LRP1B: variants seen among roughly 807,000 people sequenced by gnomAD.
LRP1B encodes low-density lipoprotein receptor-related protein 1B.
A neutral mutation model predicts 556.6 loss-of-function variants in LRP1B; 217 were observed. The observed-to-expected ratio is 0.39, with a 90% CI of 0.35 to 0.44. LRP1B has a LOEUF of 0.44. Ranked by LOEUF, LRP1B falls within the 20% of genes least tolerant of loss-of-function variation. LRP1B has a pLI of 1.00. For missense variants in LRP1B, 5,053 were observed against 5,620.8 expected, an observed-to-expected ratio of 0.90 and a Z score of 3.23; for synonymous variants, 2,047 against 1,865.8, an observed-to-expected ratio of 1.10 and a Z score of -2.50.
chr2:140,748,288 A>ATG (rs1199602493), intron 35 of LRP1B, among the ~76,000 whole-genome samples: 11 of 72,858 alleles, frequency 1.5e-4, no homozygotes, highest in African/African-American at 2.0e-4. Context: ...ATGTTCATAT[A>ATG]TGTATATATA....
intron 21 of LRP1B, among the ~76,000 whole-genome samples, chr2:140,921,456 T>C (rs1694734721): frequency 2.6e-5 from 4 of 152,002 alleles, no homozygotes; most frequent in Non-Finnish European, 4.4e-5. Context: ...TGAAGTATGT[T>C]AACTCGAGTC....
chr2:141,374,391 C>T (rs930048974), intron 3 of LRP1B, among the ~76,000 whole-genome samples: 49 of 152,134 alleles, frequency 3.2e-4, no homozygotes, highest in African/African-American at 1.1e-3. Flanking sequence ...TGGGGGTCAC[C>T]GGGTCTCCTA....
At chr2:141,453,937 G>A (rs754727851) in intron 3 of LRP1B, among the ~76,000 whole-genome samples, 1 of 149,018 alleles carries the variant, frequency 6.7e-6, no homozygotes, top group African/African-American at 2.5e-5. Flanking sequence ...AAAAAAAAAA[G>A]TTCTAGTGTT....
chr2:141,847,613 G>A (rs1354453569), intron 1 of LRP1B, among the ~76,000 whole-genome samples: 1 of 151,440 alleles, frequency 6.6e-6, no homozygotes, highest in Non-Finnish European at 1.5e-5. Context: ...TAGTGCAATG[G>A]AATAAAAAGC....
chr2:140,993,493 A>G (rs1454008122), intron 16 of LRP1B, among the ~76,000 whole-genome samples: 1 of 152,044 alleles, frequency 6.6e-6, no homozygotes, highest in Non-Finnish European at 1.5e-5. Context: ...CTGAGTGCCC[A>G]TATGTGTTTT....
At chr2:140,520,828 T>G (rs896138473) in intron 49 of LRP1B, among the ~76,000 whole-genome samples, 3 of 131,248 alleles carry the variant, frequency 2.3e-5, no homozygotes, top group Non-Finnish European at 4.9e-5. Context: ...AATTCAGGAT[T>G]TGAAAGACAA....
At chr2:141,370,242 C>T (rs1026771500) in intron 3 of LRP1B, among the ~76,000 whole-genome samples, 47 of 152,046 alleles carry the variant, frequency 3.1e-4, no homozygotes, top group African/African-American at 1.0e-3. Context: ...CCATAGAGGT[C>T]GTACTAATTT....
At chr2:141,692,660 A>T (rs1462079863) in intron 2 of LRP1B, among the ~76,000 whole-genome samples, 1 of 151,970 alleles carries the variant, frequency 6.6e-6, no homozygotes, top group African/African-American at 2.4e-5. Flanking sequence ...TGTTCTGAGA[A>T]ACGTGTGCTT....
chr2:141,786,891 G>A (rs779067192), intron 2 of LRP1B, among the ~76,000 whole-genome samples: 5 of 151,874 alleles, frequency 3.3e-5, no homozygotes, highest in Non-Finnish European at 7.4e-5. Context: ...TGCATACATT[G>A]AGATGACTAT....
chr2:140,585,122 C>T (rs1209523305), intron 43 of LRP1B, among the ~76,000 whole-genome samples: 2 of 151,980 alleles, frequency 1.3e-5, no homozygotes, highest in African/African-American at 4.8e-5. Flanking sequence ...ATATAGTTAT[C>T]ATTCATGTTT....
chr2:141,327,948 T>C (rs981977698), intron 3 of LRP1B, among the ~76,000 whole-genome samples: 2 of 152,100 alleles, frequency 1.3e-5, no homozygotes, highest in African/African-American at 4.8e-5. Flanking sequence ...CTATATAATG[T>C]GATAATTTAA....
chr2:141,371,142 C>A (rs949721663), intron 3 of LRP1B, among the ~76,000 whole-genome samples: 1 of 152,022 alleles, frequency 6.6e-6, no homozygotes, highest in Non-Finnish European at 1.5e-5. Context: ...CACCACCACG[C>A]CAGGTACATT....
chr2:141,812,220 T>C (rs1469063382), intron 1 of LRP1B, among the ~76,000 whole-genome samples: 2 of 152,232 alleles, frequency 1.3e-5, no homozygotes, highest in East Asian at 3.9e-4. Flanking sequence ...AGAAAGAGCA[T>C]GGAATAAAAT....
chr2:141,681,268 G>A (rs1259179038), intron 2 of LRP1B, among the ~76,000 whole-genome samples: 1 of 151,998 alleles, frequency 6.6e-6, no homozygotes, highest in Non-Finnish European at 1.5e-5. Context: ...ACTCCAGCCT[G>A]GGTGACGGAG....
Position 140,850,825 on chromosome 2 carries a change from AT to A in LRP1B, c.4712-497del, listed in dbSNP as rs562497848. Among the ~76,000 whole-genome samples, 7 of 151,942 alleles carry A rather than the reference AT, an allele frequency of 4.6e-5. No individual in the cohort carries two copies. In the East Asian group the frequency reaches 7.7e-4, roughly 17 times the overall value. On this transcript the variant is annotated intron_variant, in intron 28 of 90. Transcript: ENST00000389484. Reference sequence around the variant, plus strand: ...ATAATTTAAAGCGTGCTTTTAGTGTATTTTTTTTGTAAATTTGTAGTAACTA... The same window carrying A: ...ATAATTTAAAGCGTGCTTTTAGTGTATTTTTTTGTAAATTTGTAGTAACTA...
intron 11 of LRP1B, among the ~76,000 whole-genome samples, chr2:141,047,080 AATAAT>A (rs1488049382): frequency 2.0e-5 from 3 of 150,562 alleles, no homozygotes; most frequent in Non-Finnish European, 4.4e-5. Flanking sequence ...TAATAATAAT[AATAAT>A]AAATGCAAGT....
Position 140,436,653 on chromosome 2 carries a change from G to A in LRP1B, c.10414+5851C>T, listed in dbSNP as rs1490268527. Among the ~76,000 whole-genome samples, 8 of 149,210 alleles carry A rather than the reference G, an allele frequency of 5.4e-5. No homozygotes were observed. The South Asian group carries it at 6.4e-4, about 12-fold the overall frequency. On this transcript the variant is annotated intron_variant, in intron 66 of 90. Transcript: ENST00000389484. ...ATTGCCAGTGTGAGAAGTAGAGAAAGTGTCATCTCAAAAATGAGTAAGATA... is the reference window on the plus strand; with the variant it reads ...ATTGCCAGTGTGAGAAGTAGAGAAAATGTCATCTCAAAAATGAGTAAGATA...
At chr2:141,032,839 A>ATATATATATATATATATATATATATG (rs1558813275) in intron 11 of LRP1B, among the ~76,000 whole-genome samples, 2 of 149,990 alleles carry the variant, frequency 1.3e-5, no homozygotes, top group Non-Finnish European at 3.0e-5. Flanking sequence ...ATATATATAT[A>ATATATATATATATATATATATATATG]TGCAGGCATA....
rs1301824161 is a variant in LRP1B, at chr2:141,188,478, G to T, written c.956C>A (p.Thr319Asn). The change falls in exon 7 of 91, where the codon ACC becomes AAC. Residue 319 changes from threonine to asparagine, a missense_variant. Transcript: ENST00000389484. ...ATTGTGAAGCTCCAGATCAATCAGG[G>T]TGACACATACAGAACCGTTGGAATT... is the stretch of plus-strand genomic sequence containing the variant. ...VCNSNGSVCV[T>N]LIDLELHNPK... 9.3e-6 allele frequency: 15 copies of T among 1,612,548 alleles called. No individual in the cohort carries two copies. Among genetic ancestry groups the T allele is most frequent in the Non-Finnish European group, 1.3e-5 (15 of 1,179,190 alleles).
Sources: gnomAD v4.1 joint callset for allele counts (sites outside exome capture counted in the v4.1 genomes callset) on GRCh38, gnomAD v4.1.1 for gene constraint, MANE v1.5 for transcripts, NCBI Gene and HGNC (gene_info 2026-07-23, HGNC 2026-07-21) for gene names.